Variants in NRXN3 observed in about 807,000 individuals in gnomAD.
The protein encoded by NRXN3 is neurexin III.
A neutral mutation model predicts 137.6 loss-of-function variants in NRXN3; 32 were observed. The ratio of observed to expected loss-of-function variants is 0.23; its 90% CI spans 0.18 to 0.31. The LOEUF is 0.31. Ranked by LOEUF, NRXN3 falls within the 10% of genes least tolerant of loss-of-function variation. The pLI, the probability that NRXN3 is intolerant of heterozygous loss-of-function variation, is 1.00. For synonymous variants in NRXN3, 798 were observed against 784.5 expected (o/e 1.02, Z -0.29); for missense variants, 1,574 against 2,062.5 (o/e 0.76, Z 4.59).
chr14:78,239,524 C>G (rs2066800814), intron 1 of NRXN3, among the ~76,000 whole-genome samples: 1 of 152,172 alleles, frequency 6.6e-6, no homozygotes, highest in Non-Finnish European at 1.5e-5. Context: ...CTCCTGTTAT[C>G]CATGTCCGGC....
At chr14:78,320,883 C>T (rs774695257) in intron 4 of NRXN3, among the ~76,000 whole-genome samples, 5 of 151,974 alleles carry the variant, frequency 3.3e-5, no homozygotes, top group Admixed American at 6.6e-5. Flanking sequence ...TTTGGGAGGC[C>T]GAGGTGGGTG....
Position 79,353,673 on chromosome 14 carries a change from A to G in NRXN3, c.3263-113548A>G, listed in dbSNP as rs181372381. ...AGCCACTGATTCTTGGACAACTACT[A>G]TATGCCTGACATATTGCTGGGTGCT... On this transcript the variant is annotated intron_variant, in intron 15 of 20. Transcript: ENST00000335750. Among the ~76,000 whole-genome samples the G allele has an allele frequency of 5.3e-5, 8 of 152,278 alleles. No homozygotes were observed. In the East Asian group the frequency reaches 1.5e-3, roughly 29 times the overall value.
intron 4 of NRXN3, among the ~76,000 whole-genome samples, chr14:78,497,661 A>G (rs2095809817): frequency 6.6e-6 from 1 of 151,688 alleles, no homozygotes; most frequent in African/African-American, 2.4e-5. Context: ...TTTCCATCCA[A>G]ATTTCCATTT....
intron 4 of NRXN3, among the ~76,000 whole-genome samples, chr14:78,378,335 A>C (rs2088300171): frequency 6.6e-6 from 1 of 152,148 alleles, no homozygotes; most frequent in Non-Finnish European, 1.5e-5. Flanking sequence ...AAATACAAAA[A>C]TTAGCCAGGC....
chr14:79,825,173 G>A (rs1171940014), intron 20 of NRXN3, among the ~76,000 whole-genome samples: 1 of 141,894 alleles, frequency 7.0e-6, no homozygotes, highest in African/African-American at 2.6e-5. Context: ...AACTTCCTTT[G>A]TCAGACCAAT....
At chr14:79,349,933 T>C (rs1175307150) in intron 15 of NRXN3, among the ~76,000 whole-genome samples, 3 of 152,216 alleles carry the variant, frequency 2.0e-5, no homozygotes, top group Admixed American at 2.0e-4. Flanking sequence ...TTTGGACTTC[T>C]GGCCTCTAGA....
At chr14:78,632,675 A>G (rs894227465) in intron 4 of NRXN3, among the ~76,000 whole-genome samples, 1 of 152,214 alleles carries the variant, frequency 6.6e-6, no homozygotes, top group Non-Finnish European at 1.5e-5. Flanking sequence ...TGAGGGATAA[A>G]TAAGAAATAT....
At chr14:79,704,333 A>C (rs983947183) in intron 19 of NRXN3, among the ~76,000 whole-genome samples, 1 of 152,162 alleles carries the variant, frequency 6.6e-6, no homozygotes, top group Non-Finnish European at 1.5e-5. Context: ...ACTGCCTTGC[A>C]CTGGGAGACA....
intron 15 of NRXN3, among the ~76,000 whole-genome samples, chr14:79,372,795 C>T (rs2094148833): frequency 6.6e-6 from 1 of 152,072 alleles, no homozygotes. Context: ...CTTCCCCTAC[C>T]CCCAAAGAAA....
At chr14:79,517,483 AC>A (rs1409712003) in intron 16 of NRXN3, among the ~76,000 whole-genome samples, 1 of 152,052 alleles carries the variant, frequency 6.6e-6, no homozygotes, top group Non-Finnish European at 1.5e-5. Context: ...AAGTTATCAG[AC>A]TTTTCTTTTA....
chr14:79,090,475 A>G (rs967578011), intron 15 of NRXN3, among the ~76,000 whole-genome samples: 23 of 151,978 alleles, frequency 1.5e-4, no homozygotes, highest in Admixed American at 1.3e-3. Context: ...TTCTTTTCTC[A>G]TCTTGTTCCT....
At chr14:79,264,741 C>A (rs1175382226) in intron 15 of NRXN3, among the ~76,000 whole-genome samples, 2 of 152,056 alleles carry the variant, frequency 1.3e-5, no homozygotes, top group African/African-American at 2.4e-5. Flanking sequence ...TAACAAATCC[C>A]AAACTGATAA....
At chr14:78,546,560 C>T (rs943995751) in intron 4 of NRXN3, among the ~76,000 whole-genome samples, 11 of 152,084 alleles carry the variant, frequency 7.2e-5, no homozygotes, top group African/African-American at 2.2e-4. Context: ...ATGTTTTCCC[C>T]GTCCCCACCT....
chr14:78,696,199 A>G (rs2098224427), intron 6 of NRXN3, among the ~76,000 whole-genome samples: 1 of 152,032 alleles, frequency 6.6e-6, no homozygotes, highest in South Asian at 2.1e-4. Context: ...CTTCTGTTGT[A>G]GAGAGAGGAT....
At chr14:78,276,721 C>G (rs1009319635) in intron 2 of NRXN3, among the ~76,000 whole-genome samples, 1 of 152,170 alleles carries the variant, frequency 6.6e-6, no homozygotes, top group African/African-American at 2.4e-5. Context: ...GGGCAAGTAA[C>G]CAGTATCGAA....
At chr14:78,573,606 G>T (rs533810561) in intron 4 of NRXN3, among the ~76,000 whole-genome samples, 2 of 152,198 alleles carry the variant, frequency 1.3e-5, no homozygotes, top group African/African-American at 4.8e-5. Context: ...AAGGTATCTG[G>T]TGGAAGAAAT....
At chr14:78,303,470 T>C (rs1262629477) in intron 4 of NRXN3, among the ~76,000 whole-genome samples, 2 of 152,214 alleles carry the variant, frequency 1.3e-5, no homozygotes, top group Non-Finnish European at 2.9e-5. Flanking sequence ...CTTGCTGTCA[T>C]TTATCTTCCT....
intron 16 of NRXN3, among the ~76,000 whole-genome samples, chr14:79,597,829 A>G (rs1288226929): frequency 6.6e-6 from 1 of 152,190 alleles, no homozygotes; most frequent in Non-Finnish European, 1.5e-5. Flanking sequence ...TGAACCAGAC[A>G]TGGTGTTTGC....
chr14:79,525,375 C>G (rs1234500739), intron 16 of NRXN3, among the ~76,000 whole-genome samples: 1 of 152,136 alleles, frequency 6.6e-6, no homozygotes, highest in East Asian at 1.9e-4. Context: ...TCTAATTCCC[C>G]ACCTGCATGG....
Sources: gnomAD v4.1 joint callset for allele counts (sites outside exome capture counted in the v4.1 genomes callset) on GRCh38, gnomAD v4.1.1 for gene constraint, MANE v1.5 for transcripts, NCBI Gene and HGNC (gene_info 2026-07-23, HGNC 2026-07-21) for gene names.